LAMB4: variants seen among roughly 807,000 people sequenced by gnomAD.
The protein encoded by LAMB4 is laminin subunit beta-4.
A neutral mutation model predicts 199.2 loss-of-function variants in LAMB4; 196 were observed. The ratio of observed to expected loss-of-function variants is 0.98; its 90% confidence interval spans 0.88 to 1.11. The LOEUF (loss-of-function observed/expected upper bound fraction) is 1.11. LAMB4 is among the 50% of genes least tolerant of loss of function. The pLI is 0.00. For synonymous variants in LAMB4, 744 were observed against 770.6 expected (o/e 0.97, Z 0.57); for missense variants, 2,080 against 2,171.2 (o/e 0.96, Z 0.83).
At chr7:108,057,751 A>G in intron 24 of LAMB4, 81 bp downstream of exon 24, 1 of 849,972 alleles carries the variant, frequency 1.2e-6, no homozygotes, top group Non-Finnish European at 1.9e-6. Context: ...AAAGAAATTT[A>G]AAATTCAGTT....
chr7:108,118,506 C>G (rs926635711), intron 2 of LAMB4, among the ~76,000 whole-genome samples: 1 of 152,042 alleles, frequency 6.6e-6, no homozygotes, highest in East Asian at 1.9e-4. Flanking sequence ...TTTTGAGGTG[C>G]AAATGCAACT....
At chr7:108,021,602 G>C (rs904255402), downstream of LAMB4, among the ~76,000 whole-genome samples, 1 of 152,026 alleles carries the variant, frequency 6.6e-6, no homozygotes, top group African/African-American at 2.4e-5. Context: ...TCAGCTACTC[G>C]GGAGGCTGAG....
intron 33 of LAMB4, 25 bp downstream of exon 33, chr7:108,029,018 G>A (rs1584582042): frequency 6.3e-7 from 1 of 1,599,196 alleles, no homozygotes. Context: ...TATCAAATTG[G>A]CAGGATGGAT....
chr7:108,041,591 G>A (rs1460649317), intron 29 of LAMB4, among the ~76,000 whole-genome samples: 2 of 152,160 alleles, frequency 1.3e-5, no homozygotes, highest in Non-Finnish European at 2.9e-5. Flanking sequence ...CTTATCCTTT[G>A]CCAGAACATG....
chr7:108,103,315 GC>G, intron 9 of LAMB4, 83 bp from the exon 10 acceptor site: 4 of 1,140,240 alleles, frequency 3.5e-6, no homozygotes, highest in Non-Finnish European at 4.8e-6. Flanking sequence ...CAGGGCACCC[GC>G]TAGTCCTCCT....
rs780297511 is a variant in LAMB4 at position 108,066,486 on chromosome 7, T to TA, written c.2560dup (p.Tyr854LeufsTer13). ...AGGGTGGCAGCTGGGAAATCCAAAG[T>TA]AGCCTGCCAGGCAGCGATCACAGCG... is the stretch of plus-strand genomic sequence containing the variant. On this transcript the variant is annotated frameshift_variant, in exon 20 of 34. Transcript: ENST00000388781. LOFTEE classifies it high-confidence loss of function. 6.2e-7 allele frequency: 1 copy of TA among 1,614,100 alleles called. No homozygotes were observed. Among genetic ancestry groups the TA allele is most frequent in the Non-Finnish European group, 8.5e-7 (1 of 1,179,976 alleles).
rs1200559136 is a variant in LAMB4 at position 108,103,098 on chromosome 7, G to T, written c.1126C>A (p.Pro376Thr). 6.2e-7 allele frequency: 1 copy of T among 1,613,716 alleles called. No individual in the cohort carries two copies. Among genetic ancestry groups the T allele is most frequent in the Non-Finnish European group, 8.5e-7 (1 of 1,179,704 alleles). Residue 376 changes from proline (P) to threonine (T), a missense_variant, in exon 10 of 34, where the codon CCC becomes ACC. Coordinates refer to ENST00000388781, the MANE Select transcript of LAMB4 (RefSeq NM_007356.3). ...TEGQHCDRCRPLFYRDPLKTI... is the reference protein window; with the variant it reads ...TEGQHCDRCRTLFYRDPLKTI... ...TTGAGCGGGTCCCTGTAGAAGAGGG[G>T]TCTGCAGCGGTCGCAGTGCTGCCCC...
At chr7:108,055,552 A>G (rs2035954234) in intron 25 of LAMB4, 80 bp downstream of exon 25, 3 of 1,388,574 alleles carry the variant, frequency 2.2e-6, no homozygotes, top group Admixed American at 2.1e-5. Flanking sequence ...TTCTAAATTG[A>G]AGGCTGACGA....
chr7:108,064,022 T>A (rs756946478), intron 21 of LAMB4, 37 bp from the exon 22 acceptor site: 1 of 1,456,950 alleles, frequency 6.9e-7, no homozygotes, highest in South Asian at 1.1e-5. Context: ...TGGGGTGAGG[T>A]ATCAGTGTTG....
At chr7:108,125,332 C>T (rs1300181767) in intron 1 of LAMB4, among the ~76,000 whole-genome samples, 1 of 152,222 alleles carries the variant, frequency 6.6e-6, no homozygotes, top group Non-Finnish European at 1.5e-5. Flanking sequence ...AATGAAATAT[C>T]TAATCCTGAT....
At position 108,092,353 on chromosome 7, in the gene LAMB4, C is replaced by T. The variant is rs1374849215; in HGVS notation, c.1534G>A (p.Gly512Ser). 3 of 1,613,418 alleles carry T rather than the reference C, an allele frequency of 1.9e-6. No homozygotes were observed. The highest frequency in any genetic ancestry group is 4.5e-5 in the East Asian group (2 of 44,864). ...TTGACTTACACGTTAGAATAAGCACCTCCAATATCACAGTCACAGGGAGAA... is the reference window on the plus strand; with the variant it reads ...TTGACTTACACGTTAGAATAAGCACTTCCAATATCACAGTCACAGGGAGAA... Reference protein sequence around the residue: ...GCSPCDCDIGGAYSNVCSPKN... With the variant: ...GCSPCDCDIGSAYSNVCSPKN... The change falls in exon 13 of 34, where the codon GGT (glycine) becomes AGT (serine). Residue 512 changes from glycine (G) to serine (S), a missense_variant. Physicochemically the swap from Gly to Ser is moderately conservative, Grantham distance 56. Coordinates refer to ENST00000388781, the MANE Select transcript of LAMB4 (RefSeq NM_007356.3).
intron 14 of LAMB4, among the ~76,000 whole-genome samples, chr7:108,083,959 A>G (rs2150588717): frequency 6.6e-6 from 1 of 152,372 alleles, no homozygotes; most frequent in South Asian, 2.1e-4. Context: ...AGTCACAAGA[A>G]GGAATTATCA....
At chr7:108,046,215 T>C (rs2035615984) in intron 28 of LAMB4, among the ~76,000 whole-genome samples, 1 of 151,174 alleles carries the variant, frequency 6.6e-6, no homozygotes. Context: ...ATTACAGGCA[T>C]GCACCACCAC....
chr7:108,060,108 G>A (rs544806325), intron 23 of LAMB4, among the ~76,000 whole-genome samples: 79 of 152,258 alleles, frequency 5.2e-4, no homozygotes, highest in Non-Finnish European at 8.8e-4. Flanking sequence ...CGTCTTCCCC[G>A]TACTCCAGTG....
intron 9 of LAMB4, among the ~76,000 whole-genome samples, chr7:108,103,783 A>C (rs2037900912): frequency 6.6e-6 from 1 of 152,076 alleles, no homozygotes; most frequent in Admixed American, 6.5e-5. Flanking sequence ...TAATGTCTAC[A>C]CTGTTTGTCT....
chr7:108,031,407 A>G (rs1174093231), intron 31 of LAMB4, among the ~76,000 whole-genome samples: 2 of 151,258 alleles, frequency 1.3e-5, no homozygotes, highest in Non-Finnish European at 2.9e-5. Context: ...AAAAGAAAAA[A>G]TATAACGAAT....
At chr7:108,024,658 C>T (rs1051641705) in intron 33 of LAMB4, among the ~76,000 whole-genome samples, 1 of 152,150 alleles carries the variant, frequency 6.6e-6, no homozygotes, top group African/African-American at 2.4e-5. Flanking sequence ...CACTCCTATC[C>T]ATCCATCAAT....
rs1465660844 is a variant in LAMB4 at position 108,023,969 on chromosome 7, A to T, written c.*70T>A. 2.2e-6 allele frequency: 3 copies of T among 1,365,506 alleles called. No homozygotes were observed. In the African/African-American group the frequency reaches 4.5e-5, roughly 21 times the overall value. The allele number at this position is 1,365,506 out of a possible 1,614,324, so 84.6% of individuals were successfully genotyped here. On this transcript the variant is annotated 3_prime_UTR_variant, in exon 34 of 34. Coordinates refer to ENST00000388781, the MANE Select transcript of LAMB4 (RefSeq NM_007356.3). ...GACATTGTCAGTATTTCACAGGTTC[A>T]ACAGAGCCCCAGGGGCTTGTACATC...
intron 2 of LAMB4, among the ~76,000 whole-genome samples, chr7:108,116,775 GTACA>G (rs1192979577): frequency 6.6e-6 from 1 of 152,170 alleles, no homozygotes; most frequent in African/African-American, 2.4e-5. Flanking sequence ...GCTCATGCCT[GTACA>G]TCTCAGCACT....
Sources: gnomAD v4.1 joint callset for allele counts (sites outside exome capture counted in the v4.1 genomes callset) on GRCh38, gnomAD v4.1.1 for gene constraint, MANE v1.5 for transcripts, NCBI Gene and HGNC (gene_info 2026-07-23, HGNC 2026-07-21) for gene names.